The following RC3H2 variants were observed in gnomAD, a reference collection of about 807,000 sequenced individuals.
The protein encoded by RC3H2 is ring finger and CCCH-type domains 2, also known as roquin-2.
A neutral mutation model predicts 133.3 loss-of-function variants in RC3H2; 31 were observed. The observed-to-expected ratio is 0.23, with a 90% CI of 0.17 to 0.31. RC3H2 has a LOEUF of 0.31. Among genes scored for constraint, RC3H2 ranks in the 10% least tolerant of loss-of-function variants. The probability of loss-of-function intolerance (pLI) is 1.00; values close to 1 mark genes in which losing one functional copy is unlikely to be tolerated. For synonymous variants in RC3H2, 517 were observed against 502.2 expected (o/e 1.03, Z -0.40); for missense variants, 1,175 against 1,437.2 (o/e 0.82, Z 2.95).
intron 9 of RC3H2, among the ~76,000 whole-genome samples, chr9:122,875,971 T>C (rs1471522203): frequency 2.0e-5 from 3 of 152,186 alleles, no homozygotes; most frequent in African/African-American, 7.2e-5. Flanking sequence ...TTTTAAAATA[T>C]TTCTGTTTTA....
At chr9:122,864,276 C>A (rs1181615083) in intron 10 of RC3H2, among the ~76,000 whole-genome samples, 2 of 152,088 alleles carry the variant, frequency 1.3e-5, no homozygotes, top group African/African-American at 4.8e-5. Flanking sequence ...GAGTTGGAAA[C>A]AACTTTTCAG....
intron 9 of RC3H2, among the ~76,000 whole-genome samples, chr9:122,871,630 G>A (rs968757402): frequency 2.6e-5 from 4 of 151,572 alleles, no homozygotes; most frequent in Non-Finnish European, 5.9e-5. Context: ...GCCAAATGTT[G>A]TATCTTCTAA....
intron 4 of RC3H2, chr9:122,890,029 C>T (rs1231154949): frequency 3.5e-6 from 2 of 574,572 alleles, no homozygotes; most frequent in Non-Finnish European, 6.2e-6. Flanking sequence ...GTAGTCCCAG[C>T]TACTTAGGGG....
chr9:122,852,651 C>T (rs1195421018), intron 18 of RC3H2, among the ~76,000 whole-genome samples: 49 of 149,316 alleles, frequency 3.3e-4, no homozygotes, highest in Non-Finnish European at 7.5e-5. Context: ...GCTCCCAACC[C>T]GGCCAGCCGC....
At chr9:122,872,472 T>A (rs1259054093) in intron 9 of RC3H2, among the ~76,000 whole-genome samples, 1 of 152,204 alleles carries the variant, frequency 6.6e-6, no homozygotes, top group African/African-American at 2.4e-5. Context: ...TAAAATGACT[T>A]CTTATTGCAA....
intron 18 of RC3H2, among the ~76,000 whole-genome samples, chr9:122,852,570 C>T (rs1337941476): frequency 4.0e-5 from 6 of 149,278 alleles, no homozygotes; most frequent in Non-Finnish European, 6.0e-5. Flanking sequence ...CCGCCCCGTC[C>T]GGGAGGGAGG....
intron 3 of RC3H2, 40 bp from the exon 4 acceptor site, chr9:122,890,585 A>G: frequency 6.7e-7 from 1 of 1,485,764 alleles, no homozygotes; most frequent in Non-Finnish European, 9.2e-7. Flanking sequence ...AAGTTTTTTC[A>G]ATAAAAAATA....
intron 4 of RC3H2, among the ~76,000 whole-genome samples, chr9:122,886,631 AG>A (rs1383582228): frequency 6.6e-6 from 1 of 152,208 alleles, no homozygotes; most frequent in African/African-American, 2.4e-5. Context: ...CCGAAGTTAC[AG>A]TGGGCTATAA....
chr9:122,859,787 GA>G (rs988682905), intron 11 of RC3H2, 129 bp downstream of exon 11: 12 of 775,278 alleles, frequency 1.5e-5, no homozygotes, highest in African/African-American at 1.2e-4. Flanking sequence ...CTTGGGGAAG[GA>G]AAAAAACTTA....
rs1389460713 is a variant in RC3H2 at position 122,847,881 on chromosome 9, C to G, written c.*1746G>C. On this transcript the variant is annotated 3_prime_UTR_variant, in exon 21 of 21. Transcript: ENST00000357244. ...TGTGTAAGATCTTCCATACTGACACCAGAATATCAAAACTACCCCTTTGTT... is the reference window on the plus strand; with the variant it reads ...TGTGTAAGATCTTCCATACTGACACGAGAATATCAAAACTACCCCTTTGTT... The G allele has an allele frequency of 6.6e-6, 1 of 152,040 alleles. No individual in the cohort carries two copies. The highest frequency in any genetic ancestry group is 1.5e-5 in the Non-Finnish European group (1 of 67,966). The allele number at this position is 152,040 out of a possible 1,614,324, so 9.4% of individuals were successfully genotyped here.
chr9:122,888,559 T>C (rs911484716), intron 4 of RC3H2, among the ~76,000 whole-genome samples: 1 of 152,224 alleles, frequency 6.6e-6, no homozygotes, highest in African/African-American at 2.4e-5. Flanking sequence ...TTCTCTTACT[T>C]AGAAAGTACT....
Position 122,859,222 on chromosome 9 carries a change from T to TA in RC3H2, c.1850-121dup, listed in dbSNP as rs1830364781. 14 of 721,088 alleles carry TA rather than the reference T, an allele frequency of 1.9e-5. No homozygotes were observed. In the South Asian group the frequency reaches 3.6e-4, roughly 19 times the overall value. The allele number at this position is 721,088 out of a possible 1,614,324, so 44.7% of individuals were successfully genotyped here. On this transcript the variant is annotated intron_variant, in intron 11 of 20. Transcript: ENST00000357244. The stretch of plus-strand genomic sequence containing the variant: ...ATATAATAAGCTTTGAACCTTACCT[T>TA]ACCCTGCTTTATAAAGCTTTATACC...
At chr9:122,887,076 T>A (rs971636013) in intron 4 of RC3H2, among the ~76,000 whole-genome samples, 2 of 152,348 alleles carry the variant, frequency 1.3e-5, no homozygotes, top group East Asian at 3.9e-4. Context: ...ACTTTATCCA[T>A]CTGCTATAAA....
At chr9:122,880,881 G>T in intron 5 of RC3H2, 87 bp from the exon 6 acceptor site, 1 of 911,948 alleles carries the variant, frequency 1.1e-6, no homozygotes, top group Non-Finnish European at 1.8e-6. Flanking sequence ...GGGAGGGTGG[G>T]GGATACTTAC....
At position 122,858,465 on chromosome 9, in the gene RC3H2, C is replaced by T. The variant is rs1830332996; in HGVS notation, c.2283+204G>A. 2.0e-5 allele frequency among the ~76,000 whole-genome samples: 3 copies of T among 152,206 alleles called. No individual in the cohort carries two copies. In the South Asian group the frequency reaches 6.2e-4, roughly 31 times the overall value. ...GCCCAGTTCTAAGAGGTTTGATTTT[C>T]TGATTTAATTCTCACAACAGCCTTA... On this transcript the variant is annotated intron_variant, in intron 12 of 20. Transcript: ENST00000357244.
intron 9 of RC3H2, 140 bp from the exon 10 acceptor site, chr9:122,865,797 T>C (rs947336905): frequency 1.2e-5 from 8 of 653,610 alleles, no homozygotes; most frequent in Middle Eastern, 4.1e-4. Flanking sequence ...AATAATCAAA[T>C]ACAGTCTATA....
chr9:122,857,269 A>T (rs1830284224), intron 13 of RC3H2, among the ~76,000 whole-genome samples: 1 of 152,240 alleles, frequency 6.6e-6, no homozygotes, highest in South Asian at 2.1e-4. Context: ...ACCAGAAGAA[A>T]CTTAAAAAAG....
Position 122,897,315 on chromosome 9 carries a change from A to C in RC3H2, c.195T>G (p.Pro65=), listed in dbSNP as rs374775824. 6.2e-7 allele frequency: 1 copy of C among 1,614,164 alleles called. No homozygotes were observed. The highest frequency in any genetic ancestry group is 8.5e-7 in the Non-Finnish European group (1 of 1,179,990). The change falls in exon 2 of 21, where the codon CCT becomes CCG. Residue 65 remains proline (P), a synonymous_variant. Coordinates refer to ENST00000357244, the MANE Select transcript of RC3H2 (RefSeq NM_001100588.3). The part of the protein sequence containing the change: ...TAINTDIDVL[P]VNFALLQLVG... The stretch of plus-strand genomic sequence containing the variant: ...CTAACTGGAGAAGTGCGAAGTTGAC[A>C]GGAAGTACATCAATATCTGTGTTGA...
rs1389587314 is a variant in RC3H2, at chr9:122,880,703, A to C, written c.851T>G (p.Ile284Ser). Residue 284 changes from isoleucine to serine, a missense_variant, in exon 6 of 21, where the codon ATT becomes AGT. Coordinates refer to ENST00000357244, the MANE Select transcript of RC3H2 (RefSeq NM_001100588.3). ...TCCTGCTTCCATGGCAATATGAACA[A>C]TTTGGGCATCATGTTCTCTGCGTAA... The part of the protein sequence containing the change: ...EALRREHDAQ[I>S]VHIAMEAGLR... 5.0e-6 allele frequency: 8 copies of C among 1,613,956 alleles called. No homozygotes were observed. The highest frequency in any genetic ancestry group is 5.9e-6 in the Non-Finnish European group (7 of 1,179,930).
Sources: gnomAD v4.1 joint callset for allele counts (sites outside exome capture counted in the v4.1 genomes callset) on GRCh38, gnomAD v4.1.1 for gene constraint, MANE v1.5 for transcripts, NCBI Gene and HGNC (gene_info 2026-07-23, HGNC 2026-07-21) for gene names.